The following TMC6 variants were observed in gnomAD, a reference collection of about 807,000 sequenced individuals.
TMC6 encodes the protein transmembrane channel like 6.
A neutral mutation model predicts 95.4 loss-of-function variants in TMC6; 71 were observed. The ratio of observed to expected loss-of-function variants is 0.74; its 90% confidence interval spans 0.61 to 0.91. The LOEUF is 0.91. Ranked by LOEUF, TMC6 falls within the 40% of genes least tolerant of loss-of-function variation. The pLI, the probability that TMC6 is intolerant of heterozygous loss-of-function variation, is 0.00. For synonymous variants in TMC6, 514 were observed against 483.1 expected (o/e 1.06, Z -0.84); for missense variants, 1,074 against 1,079.1 (o/e 1.00, Z 0.07).
In TMC6 at chr17:78,122,438, C is replaced by G. The variant is rs1186801011; in HGVS notation, c.1227+167G>C. ...GTGCCAGAGAAAAACTCAGGGCCTG[C>G]CCGTCACTGCAAGCAGAAGACCACG... On this transcript the variant is annotated intron_variant, in intron 10 of 19. Coordinates refer to ENST00000590602, the MANE Select transcript of TMC6 (RefSeq NM_001127198.5). This position sits in a 1 kb window ranked among gnomAD's most constrained non-coding sequence, Gnocchi z 4.9. 1.0e-6 allele frequency: 1 copy of G among 995,554 alleles called. No homozygotes were observed. The highest frequency in any genetic ancestry group is 1.4e-6 in the Non-Finnish European group (1 of 690,580). 61.7% of individuals were successfully genotyped at this position (995,554 alleles called of 1,614,324 possible).
intron 14 of TMC6, 56 bp from the exon 15 acceptor site, chr17:78,119,102 C>T: frequency 6.5e-7 from 1 of 1,539,786 alleles, no homozygotes; most frequent in Non-Finnish European, 8.8e-7. Flanking sequence ...TCCCCGAGAT[C>T]AGGCTGGTTC....
At position 78,127,384 on chromosome 17, in the gene TMC6, A is replaced by T. The variant is rs543232952; in HGVS notation, c.-74-478T>A. Among the ~76,000 whole-genome samples the T allele has an allele frequency of 3.9e-5, 6 of 152,292 alleles. No homozygotes were observed. In the South Asian group the frequency reaches 1.2e-3, roughly 32 times the overall value. ...GGAGCCCTCACCCCCAACCAGCCCC[A>T]GGCGGAAGCAGCACAGGGGGCTCCT... On this transcript the variant is annotated intron_variant, in intron 1 of 19. Transcript: ENST00000590602.
intron 5 of TMC6, among the ~76,000 whole-genome samples, chr17:78,125,474 C>G (rs1282563011): frequency 6.6e-6 from 1 of 152,236 alleles, no homozygotes; most frequent in Non-Finnish European, 1.5e-5. Flanking sequence ...GTTTCCCACG[C>G]ACGGTCCCCG....
At position 78,125,745 on chromosome 17, in the gene TMC6, G is replaced by T; in HGVS notation, c.411C>A (p.Pro137=). ...SLRLYDLELD[P]TALEEEEKQS... is the part of the protein sequence containing the mutation. ...ACTCACCCTCCTCCTCCAGGGCCGT[G>T]GGGTCCAGCTCCAGGTCGTACAGGC... The change falls in exon 5 of 20, where the codon CCC becomes CCA. Residue 137 remains proline, a synonymous_variant. Transcript: ENST00000590602. 2 of 1,568,816 alleles carry T rather than the reference G, an allele frequency of 1.3e-6. No homozygotes were observed. Among genetic ancestry groups the T allele is most frequent in the East Asian group, 4.8e-5 (2 of 41,894 alleles).
intron 16 of TMC6, 45 bp downstream of exon 16, chr17:78,117,757 C>T (rs116405013): frequency 1.9e-6 from 3 of 1,591,112 alleles, no homozygotes; most frequent in South Asian, 1.1e-5. Flanking sequence ...CACCACCCAA[C>T]CCCCAGATGA....
rs1555649276 is a variant in TMC6, at chr17:78,108,950, T to TCTTCCGACGAGCGAG, written c.*4197_*4198insCTCGCTCGTCGGAAG. 1.3e-5 allele frequency: 2 copies of TCTTCCGACGAGCGAG among 159,216 alleles called. No individual in the cohort carries two copies. Among genetic ancestry groups the TCTTCCGACGAGCGAG allele is most frequent in the African/African-American group, 4.8e-5 (2 of 41,436 alleles). 9.9% of individuals were successfully genotyped at this position (159,216 alleles called of 1,614,324 possible). ...TGACCTCAAGGTTAAGCTCCAGCGA[T>TCTTCCGACGAGCGAG]CTTCCGACCTCAGCCTCCCAAGTAG... On this transcript the variant is annotated 3_prime_UTR_variant, in exon 20 of 20. Transcript: ENST00000590602.
chr17:78,123,919 T>A, intron 9 of TMC6, 70 bp downstream of exon 9: 1 of 1,581,998 alleles, frequency 6.3e-7, no homozygotes, highest in Non-Finnish European at 8.7e-7. Flanking sequence ...GAAGAATCAA[T>A]GAATGGGTCG....
Position 78,128,053 on chromosome 17 carries a change from C to A in TMC6, c.-75+559G>T, listed in dbSNP as rs1358044011. On this transcript the variant is annotated intron_variant, in intron 1 of 19. Coordinates refer to ENST00000590602, the MANE Select transcript of TMC6 (RefSeq NM_001127198.5). The surrounding 1 kb of genome is among the most constrained non-coding windows in gnomAD (Gnocchi z 4.0). The stretch of plus-strand genomic sequence containing the variant: ...GACAGGCCCTTCTAAGCTCAGGGAA[C>A]CCGGGGACTCGGGCACCCAGCGCCC... Among the ~76,000 whole-genome samples the A allele has an allele frequency of 2.0e-5, 3 of 152,222 alleles. No individual in the cohort carries two copies. Among genetic ancestry groups the A allele is most frequent in the African/African-American group, 7.2e-5 (3 of 41,456 alleles).
upstream of TMC6, chr17:78,132,160 C>T (rs1372452944): frequency 3.5e-6 from 5 of 1,440,738 alleles, no homozygotes; most frequent in Non-Finnish European, 4.7e-6. Flanking sequence ...CCTCCCCCCT[C>T]CCACCCCTTC....
intron 18 of TMC6, among the ~76,000 whole-genome samples, chr17:78,115,660 G>GGCGAAGGGAGTGGGCACAGGA (rs2074051073): frequency 1.7e-5 from 2 of 116,420 alleles, no homozygotes; most frequent in African/African-American, 6.7e-5. Context: ...TGGGCACAGG[G>GGCGAAGGGAGTGGGCACAGGA]GCGAAGGGAG....
In TMC6 at chr17:78,128,139, G is replaced by C. The variant is rs1296935526; in HGVS notation, c.-75+473C>G. Among the ~76,000 whole-genome samples, 1 of 152,220 alleles carries C rather than the reference G, an allele frequency of 6.6e-6. No homozygotes were observed. Among genetic ancestry groups the C allele is most frequent in the Non-Finnish European group, 1.5e-5 (1 of 68,040 alleles). The stretch of plus-strand genomic sequence containing the variant: ...GAGTTTCCAGGCGCACCATTCCTGA[G>C]CTAGGTGGGGAGAGGCTGGGTGGCG... On this transcript the variant is annotated intron_variant, in intron 1 of 19. Transcript: ENST00000590602. This position sits in a 1 kb window ranked among gnomAD's most constrained non-coding sequence, Gnocchi z 4.0.
In TMC6 at chr17:78,121,052, T is replaced by C. The variant is rs778807539; in HGVS notation, c.1496A>G (p.His499Arg). 1.9e-6 allele frequency: 3 copies of C among 1,613,242 alleles called. No individual in the cohort carries two copies. Among genetic ancestry groups the C allele is most frequent in the South Asian group, 1.1e-5 (1 of 91,080 alleles). The change falls in exon 12 of 20, where the codon CAT (histidine) becomes CGT (arginine). Residue 499 changes from histidine to arginine, a missense_variant. His to Arg is a conservative substitution (Grantham distance 29). Coordinates refer to ENST00000590602, the MANE Select transcript of TMC6 (RefSeq NM_001127198.5). The surrounding 1 kb of genome is among the most constrained non-coding windows in gnomAD (Gnocchi z 5.6). ...LCRVLAALEP[H>R]DSPVLEVYVA... Reference sequence around the variant, plus strand: ...GTACACCTCCAGTACCGGGGAGTCATGCGGCTCCAGGGCGGCCAGGACACG... The same window carrying C: ...GTACACCTCCAGTACCGGGGAGTCACGCGGCTCCAGGGCGGCCAGGACACG...
In TMC6 at chr17:78,109,749, A is replaced by G. The variant is rs2073788017; in HGVS notation, c.*3399T>C. ...CAGGGGTTCTCAACCTTGGCCCATT[A>G]GAATTACCTGAAAATTTTTAAGATA... On this transcript the variant is annotated 3_prime_UTR_variant, in exon 20 of 20. Transcript: ENST00000590602. The G allele has an allele frequency of 2.9e-6, 1 of 348,120 alleles. No homozygotes were observed. Among genetic ancestry groups the G allele is most frequent in the African/African-American group, 2.1e-5 (1 of 46,538 alleles). 21.6% of individuals were successfully genotyped at this position (348,120 alleles called of 1,614,324 possible).
At chr17:78,123,957 T>C in intron 9 of TMC6, 32 bp downstream of exon 9, 1 of 1,612,270 alleles carries the variant, frequency 6.2e-7, no homozygotes, top group Non-Finnish European at 8.5e-7. Context: ...TGAGTGGAGC[T>C]CGGAGCCTGG....
At chr17:78,120,152 CTTTTTTTTTTTTTTTT>C in intron 13 of TMC6, 1 of 149,594 alleles carries the variant, frequency 6.7e-6, no homozygotes, top group Non-Finnish European at 1.2e-5. Flanking sequence ...ATACACGTTA[CTTTTTTTTTTTTTTTT>C]TTTTTTTTGG....
chr17:78,131,343 T>A, upstream of TMC6: 3 of 586,884 alleles, frequency 5.1e-6, no homozygotes, highest in Non-Finnish European at 3.0e-6. Flanking sequence ...TGGGCCCGAA[T>A]TCGACCGCAG....
At position 78,107,905 on chromosome 17, in the gene TMC6, C is replaced by G. The variant is rs1191340765; in HGVS notation, c.*5243G>C. The G allele has an allele frequency of 2.0e-5, 3 of 152,214 alleles. No homozygotes were observed. Among genetic ancestry groups the G allele is most frequent in the Non-Finnish European group, 4.4e-5 (3 of 68,042 alleles). 9.4% of individuals were successfully genotyped at this position (152,214 alleles called of 1,614,324 possible). ...TGTGTTTCCTAGACATTTTATGCATCTATTTTTGTAAAATCACCTTCGCTA... is the reference window on the plus strand; with the variant it reads ...TGTGTTTCCTAGACATTTTATGCATGTATTTTTGTAAAATCACCTTCGCTA... On this transcript the variant is annotated 3_prime_UTR_variant, in exon 20 of 20. Coordinates refer to ENST00000590602, the MANE Select transcript of TMC6 (RefSeq NM_001127198.5).
intron 15 of TMC6, 43 bp downstream of exon 15, chr17:78,118,928 C>T (rs1290907731): frequency 6.4e-7 from 1 of 1,559,574 alleles, no homozygotes; most frequent in East Asian, 2.4e-5. Flanking sequence ...CCACTGCCGG[C>T]CACCCTGCCA....
At position 78,119,055 on chromosome 17, in the gene TMC6, G is replaced by T. The variant is rs112967662; in HGVS notation, c.1812-9C>A. ...AGAAGAGCACCCCCAGCCTGGGGAG[G>T]GGGTGGCAGTTCAGGGGCTGCTCCA... is the stretch of plus-strand genomic sequence containing the variant. On this transcript the variant is annotated splice_polypyrimidine_tract_variant and intron_variant, in intron 14 of 19. Transcript: ENST00000590602. 1 of 1,574,260 alleles carries T rather than the reference G, an allele frequency of 6.4e-7. No homozygotes were observed. The highest frequency in any genetic ancestry group is 8.6e-7 in the Non-Finnish European group (1 of 1,159,738).
Sources: allele counts gnomAD v4.1 joint callset (sites outside exome capture counted in the v4.1 genomes callset), GRCh38; gene constraint gnomAD v4.1.1; non-coding constraint Gnocchi (gnomAD v3.1); transcripts MANE v1.5; gene names NCBI Gene and HGNC (gene_info 2026-07-23, HGNC 2026-07-21).